MGAT5B: variants seen among roughly 807,000 people sequenced by gnomAD.
MGAT5B encodes N-acetylglucosaminyl-transferase Vb.
Under a neutral mutation model 95.1 loss-of-function variants are expected in MGAT5B, and 54 were observed. That is an observed-to-expected ratio of 0.57 (90% confidence interval 0.46 to 0.71). MGAT5B has a LOEUF of 0.71. Among genes scored for constraint, MGAT5B ranks in the 30% least tolerant of loss-of-function variants. The pLI is 0.00. For synonymous variants in MGAT5B, 464 were observed against 451.0 expected, an observed-to-expected ratio of 1.03 and a Z score of -0.36; for missense variants, 935 against 1,088.6, an observed-to-expected ratio of 0.86 and a Z score of 1.99.
In MGAT5B at chr17:76,938,835, C is replaced by T. The variant is rs945065645; in HGVS notation, c.1584+692C>T. On this transcript the variant is annotated intron_variant, in intron 13 of 17. Coordinates refer to ENST00000569840, the MANE Select transcript of MGAT5B (RefSeq NM_001199172.2). This position sits in a 1 kb window ranked among gnomAD's most constrained non-coding sequence, Gnocchi z 4.3. Reference sequence around the variant, plus strand: ...CTGGGACTATTGGCATACACCACCACACCTGGCTAATTTTTAAATTTTTTG... The same window carrying T: ...CTGGGACTATTGGCATACACCACCATACCTGGCTAATTTTTAAATTTTTTG... Among the ~76,000 whole-genome samples the T allele has an allele frequency of 6.6e-5, 10 of 152,120 alleles. No individual in the cohort carries two copies. Among genetic ancestry groups the T allele is most frequent in the African/African-American group, 2.4e-4 (10 of 41,422 alleles).
chr17:76,948,781 C>T lies in MGAT5B; in HGVS notation c.2322C>T (p.Leu774=). The change falls in exon 18 of 18, where the codon CTC becomes CTT. Residue 774 remains leucine, a synonymous_variant. Transcript: ENST00000569840. ...CAGSNTKYRR[L]CPCRDFRKGQ... ...GCTCCAACACCAAGTACCGCCGGCT[C>T]TGCCCCTGCCGCGACTTCCGCAAGG... The T allele has an allele frequency of 6.2e-7, 1 of 1,608,750 alleles. No individual in the cohort carries two copies. The highest frequency in any genetic ancestry group is 8.5e-7 in the Non-Finnish European group (1 of 1,178,390).
chr17:76,940,768 G>A lies in MGAT5B; in HGVS notation c.1768G>A (p.Gly590Ser), dbSNP rs778214789. ...SQHPYAENFI[G>S]KPHVWTVDYN... is the part of the protein sequence containing the mutation. ...GCATCCCTACGCGGAGAACTTCATC[G>A]GCAAGCCCCACGTGTGGACAGTCGA... Residue 590 changes from glycine (G) to serine (S), a missense_variant, in exon 15 of 18, where the codon GGC becomes AGC. This residue lies in a region of MGAT5B where 440 missense variants were observed against 523.6 expected (regional missense o/e 0.84). Coordinates refer to ENST00000569840, the MANE Select transcript of MGAT5B (RefSeq NM_001199172.2). The surrounding 1 kb of genome is among the most constrained non-coding windows in gnomAD (Gnocchi z 4.3). The A allele has an allele frequency of 5.6e-6, 9 of 1,613,988 alleles. No homozygotes were observed. The highest frequency in any genetic ancestry group is 4.0e-5 in the African/African-American group (3 of 74,890).
In MGAT5B at chr17:76,931,258, G is replaced by A. The variant is rs554758503; in HGVS notation, c.1292-1387G>A. Among the ~76,000 whole-genome samples, 157 of 152,144 alleles carry A rather than the reference G, an allele frequency of 1.0e-3. 2 individuals carry two copies. In the South Asian group the frequency reaches 0.03, roughly 29 times the overall value. The stretch of plus-strand genomic sequence containing the variant: ...ATAACAGGTGTGCGCCACCACACCC[G>A]GTTAATGTTTGTATTTTTAGTAGAG... On this transcript the variant is annotated intron_variant, in intron 10 of 17. Coordinates refer to ENST00000569840, the MANE Select transcript of MGAT5B (RefSeq NM_001199172.2).
intron 3 of MGAT5B, among the ~76,000 whole-genome samples, chr17:76,899,176 T>G (rs551350947): frequency 6.6e-6 from 1 of 152,218 alleles, no homozygotes; most frequent in African/African-American, 2.4e-5. Flanking sequence ...GCTTGGCTTG[T>G]CTTGACATAG....
Position 76,869,627 on chromosome 17 carries a change from T to C in MGAT5B, c.68+530T>C, listed in dbSNP as rs1966920997. Among the ~76,000 whole-genome samples, 1 of 152,098 alleles carries C rather than the reference T, an allele frequency of 6.6e-6. No homozygotes were observed. Among genetic ancestry groups the C allele is most frequent in the Non-Finnish European group, 1.5e-5 (1 of 68,000 alleles). ...CCTCCCCGCGGGGCTCGGGCCTGGC[T>C]CCGACGAGAGGGTCCCGAGATTAGA... On this transcript the variant is annotated intron_variant, in intron 1 of 17. Coordinates refer to ENST00000569840, the MANE Select transcript of MGAT5B (RefSeq NM_001199172.2). This position sits in a 1 kb window ranked among gnomAD's most constrained non-coding sequence, Gnocchi z 7.0.
chr17:76,927,717 C>G (rs1372519491), intron 10 of MGAT5B, among the ~76,000 whole-genome samples: 1 of 152,246 alleles, frequency 6.6e-6, no homozygotes, highest in Non-Finnish European at 1.5e-5. Flanking sequence ...GTCCCCTCCT[C>G]GTGTCTGGTT....
intron 10 of MGAT5B, among the ~76,000 whole-genome samples, chr17:76,932,082 TCCTC>T (rs1969503054): frequency 1.5e-5 from 1 of 66,162 alleles, no homozygotes; most frequent in Non-Finnish European, 2.9e-5. Context: ...CTCCTCCTCC[TCCTC>T]CCCCCCCCCT....
At chr17:76,887,205 GGAT>G (rs1179020578) in intron 3 of MGAT5B, among the ~76,000 whole-genome samples, 2 of 152,130 alleles carry the variant, frequency 1.3e-5, no homozygotes, top group African/African-American at 4.8e-5. Context: ...GTTGCACTCA[GGAT>G]CCCCTTCTCT....
chr17:76,924,933 T>C, intron 8 of MGAT5B, 33 bp from the exon 9 acceptor site: 2 of 1,610,460 alleles, frequency 1.2e-6, no homozygotes, highest in Non-Finnish European at 1.7e-6. Context: ...GTGGGTTTCT[T>C]GGGGCCCAGA....
In MGAT5B at chr17:76,938,536, T is replaced by C. The variant is rs1231267977; in HGVS notation, c.1584+393T>C. On this transcript the variant is annotated intron_variant, in intron 13 of 17. Transcript: ENST00000569840. The surrounding 1 kb of genome is among the most constrained non-coding windows in gnomAD (Gnocchi z 4.3). ...GAGAAGGGTCCTGGCTAGAGTGCCA[T>C]TGAGCCACTAGTCCTGAGTGACTGC... 6.6e-6 allele frequency among the ~76,000 whole-genome samples: 1 copy of C among 152,168 alleles called. No homozygotes were observed. Among genetic ancestry groups the C allele is most frequent in the East Asian group, 1.9e-4 (1 of 5,184 alleles).
intron 3 of MGAT5B, among the ~76,000 whole-genome samples, chr17:76,892,114 A>T (rs1967892435): frequency 6.6e-6 from 1 of 152,074 alleles, no homozygotes; most frequent in Non-Finnish European, 1.5e-5. Flanking sequence ...TGGCTCGATC[A>T]CGGCTCACTG....
intron 3 of MGAT5B, among the ~76,000 whole-genome samples, chr17:76,900,913 G>A (rs58933817): frequency 7.1e-5 from 8 of 113,438 alleles, no homozygotes; most frequent in Non-Finnish European, 1.0e-4. Context: ...GTGTGTGTGC[G>A]TGTGTACATG....
chr17:76,949,038 C>T lies in MGAT5B; in HGVS notation c.*200C>T. On this transcript the variant is annotated 3_prime_UTR_variant, in exon 18 of 18. Transcript: ENST00000569840. ...GCAGCATGCCGAGCCCCTGGGACCT[C>T]CCAGGCAGGCTCCGGTTCTCTCCTG... The T allele has an allele frequency of 1.5e-6, 1 of 647,892 alleles. No individual in the cohort carries two copies. The highest frequency in any genetic ancestry group is 2.6e-6 in the Non-Finnish European group (1 of 382,242). The allele number at this position is 647,892 out of a possible 1,614,324, so 40.1% of individuals were successfully genotyped here. A position where few individuals can be genotyped will look rare whatever the true frequency, so the allele number is the denominator to read the frequency against.
rs1966917334 is a variant in MGAT5B, at chr17:76,869,550, C to G, written c.68+453C>G. 6.6e-6 allele frequency among the ~76,000 whole-genome samples: 1 copy of G among 152,206 alleles called. No homozygotes were observed. Among genetic ancestry groups the G allele is most frequent in the Admixed American group, 6.5e-5 (1 of 15,290 alleles). ...CGTCTGCCCCTAGGTCGGCTACCCC[C>G]CAACCCCTCCGCCTGTGCCACCCTC... On this transcript the variant is annotated intron_variant, in intron 1 of 17. Transcript: ENST00000569840. This position sits in a 1 kb window ranked among gnomAD's most constrained non-coding sequence, Gnocchi z 7.0.
chr17:76,948,375 G>T (rs902508474), intron 17 of MGAT5B, among the ~76,000 whole-genome samples: 2 of 152,214 alleles, frequency 1.3e-5, no homozygotes, highest in African/African-American at 4.8e-5. Flanking sequence ...TCCTGTCCCA[G>T]ACCATGAAAG....
rs754494712 is a variant in MGAT5B at position 76,949,282 on chromosome 17, G to C, written c.*444G>C. On this transcript the variant is annotated 3_prime_UTR_variant, in exon 18 of 18. Transcript: ENST00000569840. ...CCCCACGGTCCCTGAAGGGTCCAAG[G>C]AGGGGCCCTCCCCATGGCCCTGGAG... 9.2e-5 allele frequency: 16 copies of C among 174,618 alleles called. No homozygotes were observed. Among genetic ancestry groups the C allele is most frequent in the Non-Finnish European group, 1.7e-4 (14 of 82,088 alleles). 10.8% of individuals were successfully genotyped at this position (174,618 alleles called of 1,614,324 possible). A position where few individuals can be genotyped will look rare whatever the true frequency, so the allele number is the denominator to read the frequency against.
chr17:76,898,495 A>C (rs1157151751), intron 3 of MGAT5B, among the ~76,000 whole-genome samples: 3 of 144,708 alleles, frequency 2.1e-5, no homozygotes, highest in Admixed American at 1.4e-4. Flanking sequence ...CACCCGGCTA[A>C]TTTTTTTTTT....
chr17:76,936,178 C>T (rs1382985038), intron 12 of MGAT5B, among the ~76,000 whole-genome samples: 3 of 151,820 alleles, frequency 2.0e-5, no homozygotes, highest in Non-Finnish European at 2.9e-5. Context: ...GAGGCCATGG[C>T]GGGGTGGATC....
rs970193963 is a variant in MGAT5B, at chr17:76,912,518, G to A, written c.1025+6331G>A. ...GCGTGGGAGGCGGTGGGACAAAGAC[G>A]CGGCTTGTACATTTGTTGTAGTTTA... On this transcript the variant is annotated intron_variant, in intron 8 of 17. Coordinates refer to ENST00000569840, the MANE Select transcript of MGAT5B (RefSeq NM_001199172.2). The surrounding 1 kb of genome is among the most constrained non-coding windows in gnomAD (Gnocchi z 5.0). Among the ~76,000 whole-genome samples, 3 of 152,180 alleles carry A rather than the reference G, an allele frequency of 2.0e-5. No individual in the cohort carries two copies. The highest frequency in any genetic ancestry group is 4.4e-5 in the Non-Finnish European group (3 of 68,032).
Sources: gnomAD v4.1 joint callset for allele counts (sites outside exome capture counted in the v4.1 genomes callset) on GRCh38, gnomAD v4.1.1 for gene constraint, gnomAD v4.1.1 regional missense constraint, Gnocchi (gnomAD v3.1) non-coding constraint, MANE v1.5 for transcripts, NCBI Gene and HGNC (gene_info 2026-07-23, HGNC 2026-07-21) for gene names.